DYDC1: variants seen among roughly 807,000 people sequenced by gnomAD.
DYDC1 encodes the protein DPY30 domain containing 1.
Under a neutral mutation model 27.9 loss-of-function variants are expected in DYDC1, and 21 were observed. The ratio of observed to expected loss-of-function variants is 0.75; its 90% CI spans 0.53 to 1.08. The LOEUF is 1.08. DYDC1 is among the 50% of genes least tolerant of loss of function. The pLI, the probability that DYDC1 is intolerant of heterozygous loss-of-function variation, is 0.00. For synonymous variants in DYDC1, 67 were observed against 65.8 expected (o/e 1.02, Z -0.09); for missense variants, 202 against 205.9 (o/e 0.98, Z 0.12).
chr10:80,338,084 G>A (rs750770252), intron 6 of DYDC1: 8 of 985,298 alleles, frequency 8.1e-6, no homozygotes, highest in Non-Finnish European at 9.6e-6. Flanking sequence ...ATAAACAAAT[G>A]TACTTACATA....
At chr10:80,356,480 T>C in intron 1 of DYDC1, 1 of 984,636 alleles carries the variant, frequency 1.0e-6, no homozygotes, top group Non-Finnish European at 1.2e-6. Context: ...CACCCGGGAG[T>C]CTGGAAGGGT....
Position 80,352,786 on chromosome 10 carries a change from G to A in DYDC1, c.-9-176C>T, listed in dbSNP as rs1843082232. On this transcript the variant is annotated intron_variant, in intron 1 of 6. Coordinates refer to ENST00000372202, the MANE Select transcript of DYDC1 (RefSeq NM_001269053.2). ...AGGAAACTTCTAATAGTTTCCAAAA[G>A]GGCTCCAAGGAAGTCACTACAACTA... is the stretch of plus-strand genomic sequence containing the variant. The A allele has an allele frequency of 1.4e-5, 10 of 723,984 alleles. No homozygotes were observed. The East Asian group carries it at 3.4e-4, about 25-fold the overall frequency. The allele number at this position is 723,984 out of a possible 1,614,324, so 44.8% of individuals were successfully genotyped here. A position where few individuals can be genotyped will look rare whatever the true frequency, so the allele number is the denominator to read the frequency against.
chr10:80,338,214 A>T, intron 6 of DYDC1: 1 of 985,452 alleles, frequency 1.0e-6, no homozygotes, highest in Non-Finnish European at 1.2e-6. Context: ...ATGATTTTAA[A>T]ACATATTTTG....
At chr10:80,346,988 G>A (rs924646575) in intron 3 of DYDC1, among the ~76,000 whole-genome samples, 1 of 151,982 alleles carries the variant, frequency 6.6e-6, no homozygotes, top group African/African-American at 2.4e-5. Flanking sequence ...GCTGAGGCAG[G>A]AGAATCGCTT....
intron 1 of DYDC1, among the ~76,000 whole-genome samples, chr10:80,353,891 T>C (rs139657901): frequency 0.015 from 2,223 of 152,214 alleles, 47 homozygotes; most frequent in African/African-American, 0.051. Flanking sequence ...TTTGAAACCA[T>C]GTTAGTTGTA....
intron 1 of DYDC1, among the ~76,000 whole-genome samples, chr10:80,353,870 T>A (rs533750082): frequency 6.6e-6 from 1 of 152,008 alleles, no homozygotes; most frequent in Non-Finnish European, 1.5e-5. Context: ...GACTTGAGAG[T>A]CCTTCAGGAT....
intron 3 of DYDC1, among the ~76,000 whole-genome samples, 169 bp downstream of exon 3, chr10:80,351,732 T>C (rs1264591041): frequency 3.9e-5 from 6 of 152,236 alleles, no homozygotes; most frequent in African/African-American, 1.2e-4. Context: ...GGAAAACTCA[T>C]GGCTGCTGCT....
At chr10:80,351,571 G>T (rs1842976858) in intron 3 of DYDC1, among the ~76,000 whole-genome samples, 2 of 150,208 alleles carry the variant, frequency 1.3e-5, no homozygotes, top group Admixed American at 6.7e-5. Flanking sequence ...AGATATGGTT[G>T]ACCACTCAGA....
chr10:80,354,028 A>G (rs949701281), intron 1 of DYDC1, among the ~76,000 whole-genome samples: 30 of 151,722 alleles, frequency 2.0e-4, no homozygotes, highest in African/African-American at 5.8e-4. Flanking sequence ...AGGCAGGAGA[A>G]TGGGGTGAAC....
rs756268447 is a variant in DYDC1 at position 80,342,303 on chromosome 10, T to C, written c.308A>G (p.Gln103Arg). The C allele has an allele frequency of 1.9e-6, 3 of 1,614,012 alleles. No individual in the cohort carries two copies. The Admixed American group carries it at 5.0e-5, about 27-fold the overall frequency. Residue 103 changes from glutamine (Q) to arginine (R), a missense_variant, in exon 4 of 7, where the codon CAA (glutamine) becomes CGA (arginine). Physicochemically the swap from Gln to Arg is conservative, Grantham distance 43 (BLOSUM62 1). Coordinates refer to ENST00000372202, the MANE Select transcript of DYDC1 (RefSeq NM_001269053.2). Reference protein sequence around the residue: ...EMQEKERQRIQELQRAQEQLG... With the variant: ...EMQEKERQRIRELQRAQEQLG... ...TTGTTCTTGAGCTCTCTGTAGTTCT[T>C]GTATTCTCTGCCTCTCCTTTTCTTG...
intron 4 of DYDC1, among the ~76,000 whole-genome samples, chr10:80,339,543 T>A (rs1842248260): frequency 6.6e-6 from 1 of 151,470 alleles, no homozygotes; most frequent in South Asian, 2.1e-4. Flanking sequence ...GAGAAAGAAG[T>A]AAACACTTCT....
chr10:80,348,979 C>T (rs1198166992), intron 3 of DYDC1, among the ~76,000 whole-genome samples: 1 of 152,180 alleles, frequency 6.6e-6, no homozygotes, highest in Non-Finnish European at 1.5e-5. Context: ...GCAAGCTCCG[C>T]CTCCTGGGTT....
chr10:80,339,304 A>G, intron 4 of DYDC1, 151 bp from the exon 5 acceptor site: 1 of 361,656 alleles, frequency 2.8e-6, no homozygotes. Context: ...ATTACACATT[A>G]CAAAACTGCA....
At chr10:80,352,727 CT>C in intron 1 of DYDC1, 117 bp from the exon 2 acceptor site, 3 of 1,275,522 alleles carry the variant, frequency 2.4e-6, no homozygotes, top group Non-Finnish European at 3.0e-6. Context: ...TCATGGACAC[CT>C]CCCATTGGGG....
intron 3 of DYDC1, among the ~76,000 whole-genome samples, chr10:80,343,705 A>G (rs1013327247): frequency 6.6e-6 from 1 of 152,220 alleles, no homozygotes; most frequent in Non-Finnish European, 1.5e-5. Context: ...ATCAAATTAA[A>G]TGGCAAAACA....
chr10:80,352,734 T>A, intron 1 of DYDC1, 124 bp from the exon 2 acceptor site: 1 of 1,187,502 alleles, frequency 8.4e-7, no homozygotes, highest in Non-Finnish European at 1.1e-6. Flanking sequence ...CACCTCCCAT[T>A]GGGGGTGTCA....
At chr10:80,346,556 G>A (rs901538658) in intron 3 of DYDC1, among the ~76,000 whole-genome samples, 2 of 148,576 alleles carry the variant, frequency 1.3e-5, no homozygotes, top group Non-Finnish European at 3.0e-5. Context: ...TACCTCCTGG[G>A]TTCACACCAT....
At chr10:80,337,261 C>T in intron 6 of DYDC1, 1 of 985,400 alleles carries the variant, frequency 1.0e-6, no homozygotes. Context: ...TGGCCCACGG[C>T]CCCCAAGGGC....
At chr10:80,342,173 C>G in intron 4 of DYDC1, 96 bp downstream of exon 4, 1 of 1,238,740 alleles carries the variant, frequency 8.1e-7, no homozygotes, top group Non-Finnish European at 1.1e-6. Context: ...CTTCAGACTA[C>G]AAATCCCATG....
Sources: allele counts gnomAD v4.1 joint callset (sites outside exome capture counted in the v4.1 genomes callset), GRCh38; gene constraint gnomAD v4.1.1; transcripts MANE v1.5; gene names NCBI Gene and HGNC (gene_info 2026-07-23, HGNC 2026-07-21).